Variants in MRTFB observed in about 807,000 individuals in gnomAD.
MRTFB encodes the protein myocardin-related transcription factor B.
Under a neutral mutation model 104.2 loss-of-function variants are expected in MRTFB, and 29 were observed. That is an observed-to-expected ratio of 0.28 (90% CI 0.21 to 0.38). The LOEUF (loss-of-function observed/expected upper bound fraction) is 0.38, where lower values mean the gene tolerates loss of function less well. MRTFB is among the 10% of genes least tolerant of loss of function. The pLI, the probability that MRTFB is intolerant of heterozygous loss-of-function variation, is 1.00. For missense variants in MRTFB, 1,270 were observed against 1,341.6 expected (o/e 0.95, Z 0.83); for synonymous variants, 535 against 519.5 (o/e 1.03, Z -0.41).
chr16:14,027,689 A>C, the MRTFB span, among the ~76,000 whole-genome samples: 1 of 152,186 alleles, frequency 6.6e-6, no homozygotes, highest in Non-Finnish European at 1.5e-5. Context: ...TATTTTTGCA[A>C]GTTCTTGTGA....
intron 3 of MRTFB, chr16:14,200,816 T>C (rs944803357): frequency 2.0e-6 from 3 of 1,471,998 alleles, no homozygotes; most frequent in African/African-American, 1.4e-5. Context: ...AAAAAGTGGT[T>C]GGCGGTGGTT....
chr16:14,227,062 A>T (rs1380513274), intron 8 of MRTFB, among the ~76,000 whole-genome samples: 2 of 152,168 alleles, frequency 1.3e-5, no homozygotes, highest in Non-Finnish European at 2.9e-5. Context: ...AAAATGGAAG[A>T]AAATATTTGC....
chr16:14,183,454 T>C (rs555287202), intron 3 of MRTFB, among the ~76,000 whole-genome samples: 7 of 152,328 alleles, frequency 4.6e-5, no homozygotes, highest in Admixed American at 2.6e-4. Flanking sequence ...GTTGGGACAA[T>C]TGGTGGAACT....
chr16:14,224,870 T>C (rs1162717788), intron 8 of MRTFB, among the ~76,000 whole-genome samples: 1 of 152,160 alleles, frequency 6.6e-6, no homozygotes. Context: ...GGATGCCAGA[T>C]AGTAACTCAA....
chr16:14,060,496 T>C, the MRTFB span, among the ~76,000 whole-genome samples: 1 of 152,090 alleles, frequency 6.6e-6, no homozygotes, highest in African/African-American at 2.4e-5. Context: ...CCTGTTTGAA[T>C]TTTCATTTTT....
intron 3 of MRTFB, among the ~76,000 whole-genome samples, chr16:14,191,059 G>A (rs187139285): frequency 1.4e-4 from 22 of 152,180 alleles, no homozygotes; most frequent in East Asian, 1.3e-3. Context: ...GAAATACATC[G>A]AGATTAAATA....
chr16:14,129,171 G>C (rs1227710492), intron 2 of MRTFB, among the ~76,000 whole-genome samples: 1 of 152,160 alleles, frequency 6.6e-6, no homozygotes, highest in African/African-American at 2.4e-5. Context: ...AGGTCATTTG[G>C]GTAGTTTCCA....
Position 14,177,582 on chromosome 16 carries a change from T to C in MRTFB, c.155-32661T>C, listed in dbSNP as rs1181987022. Among the ~76,000 whole-genome samples the C allele has an allele frequency of 1.3e-5, 2 of 152,182 alleles. No individual in the cohort carries two copies. Among genetic ancestry groups the C allele is most frequent in the Non-Finnish European group, 2.9e-5 (2 of 68,024 alleles). ...AGAAAGAAAACTCATTTAGGCACTT[T>C]GGGAGGCCACAGCAGGAGGATTGCT... is the stretch of plus-strand genomic sequence containing the variant. On this transcript the variant is annotated intron_variant, in intron 3 of 16. Coordinates refer to ENST00000571589, the MANE Select transcript of MRTFB (RefSeq NM_001308142.2). This position sits in a 1 kb window ranked among gnomAD's most constrained non-coding sequence, Gnocchi z 4.7.
chr16:14,176,725 T>C (rs2039595339), intron 3 of MRTFB, among the ~76,000 whole-genome samples: 1 of 152,224 alleles, frequency 6.6e-6, no homozygotes. Context: ...GAGATAGTAG[T>C]AGAGAGAGCT....
chr16:14,179,825 C>T (rs2039708088), intron 3 of MRTFB, among the ~76,000 whole-genome samples: 1 of 152,172 alleles, frequency 6.6e-6, no homozygotes, highest in Non-Finnish European at 1.5e-5. Flanking sequence ...CTGTACCATC[C>T]TACAGGCTTT....
At chr16:14,230,440 AAAAC>A (rs1305380263) in intron 8 of MRTFB, among the ~76,000 whole-genome samples, 58 of 152,198 alleles carry the variant, frequency 3.8e-4, no homozygotes, top group African/African-American at 2.7e-4. Flanking sequence ...TTACAAGAAA[AAAAC>A]AAACAACCCC....
At chr16:14,257,964 C>T (rs1207909467) in intron 15 of MRTFB, 137 bp from the exon 16 acceptor site, 1 of 706,648 alleles carries the variant, frequency 1.4e-6, no homozygotes, top group Non-Finnish European at 2.4e-6. Context: ...CTTAACTTCT[C>T]AGGTGACCTC....
chr16:14,036,264 A>T, the MRTFB span, among the ~76,000 whole-genome samples: 3 of 120,690 alleles, frequency 2.5e-5, no homozygotes, highest in Non-Finnish European at 5.0e-5. Context: ...TATATTATAT[A>T]TATATAAGAT....
At chr16:14,033,378 T>C in the MRTFB span, among the ~76,000 whole-genome samples, 3 of 34,262 alleles carry the variant, frequency 8.8e-5, no homozygotes, top group African/African-American at 2.0e-4. Context: ...AGACCTCATC[T>C]CTACAAAAAA....
the MRTFB span, chr16:14,013,046 C>T: frequency 6.6e-6 from 1 of 152,208 alleles, no homozygotes; most frequent in African/African-American, 2.4e-5. Context: ...TTGCCACCTC[C>T]CACCTCTCAC....
chr16:14,167,919 C>T (rs568468746), intron 3 of MRTFB, among the ~76,000 whole-genome samples: 2 of 152,062 alleles, frequency 1.3e-5, no homozygotes, highest in African/African-American at 4.8e-5. Context: ...GATCTCCTGA[C>T]CTCGTGATCT....
intron 9 of MRTFB, 70 bp from the exon 10 acceptor site, chr16:14,240,167 A>T: frequency 6.8e-7 from 1 of 1,474,490 alleles, no homozygotes; most frequent in Non-Finnish European, 9.1e-7. Context: ...CAAATCATTT[A>T]GTCACGCAGT....
chr16:14,240,793 G>A (rs374302345), intron 10 of MRTFB: 43 of 755,218 alleles, frequency 5.7e-5, no homozygotes, highest in African/African-American at 2.2e-4. Context: ...TGAGAAAAGC[G>A]TAAGTAGTAT....
intron 8 of MRTFB, among the ~76,000 whole-genome samples, chr16:14,221,119 C>T (rs76226063): frequency 0.01 from 1,535 of 152,114 alleles, 12 homozygotes; most frequent in African/African-American, 0.019. Flanking sequence ...GTAGGTGCTT[C>T]GTTTTGGTTT....
Sources: allele counts gnomAD v4.1 joint callset (sites outside exome capture counted in the v4.1 genomes callset), GRCh38; gene constraint gnomAD v4.1.1; non-coding constraint Gnocchi (gnomAD v3.1); transcripts MANE v1.5; gene names NCBI Gene and HGNC (gene_info 2026-07-23, HGNC 2026-07-21).